DST: variants seen among roughly 807,000 people sequenced by gnomAD.
The protein encoded by DST is dystonin.
DST carries 253 observed loss-of-function variants against 875.2 expected under a neutral mutation model. The ratio of observed to expected loss-of-function variants is 0.29; its 90% CI spans 0.26 to 0.32. DST has a LOEUF of 0.32. Among genes scored for constraint, DST ranks in the 10% least tolerant of loss-of-function variants. The pLI, the probability that DST is intolerant of heterozygous loss-of-function variation, is 1.00. For synonymous variants in DST, 3,124 were observed against 3,197.1 expected, an observed-to-expected ratio of 0.98 and a Z score of 0.77; for missense variants, 8,287 against 9,111.6, an observed-to-expected ratio of 0.91 and a Z score of 3.68.
chr6:56,597,982 C>G lies in DST; in HGVS notation c.11953G>C (p.Glu3985Gln). The G allele has an allele frequency of 6.2e-7, 1 of 1,600,024 alleles. No individual in the cohort carries two copies. The highest frequency in any genetic ancestry group is 8.5e-7 in the Non-Finnish European group (1 of 1,171,584). ...AGGTTTTCTATTTTGGTTTTGCTCT[C>G]TTCCAGCTGCTTCACTGCTGCTACC... ...EKVAAVKQLE[E>Q]SKTKIENLLD... Residue 3985 changes from glutamate to glutamine, a missense_variant, in exon 47 of 104, where the codon GAG (glutamate) becomes CAG (glutamine). Transcript: ENST00000680361.
chr6:56,480,997 C>A (rs1253966994), intron 90 of DST, among the ~76,000 whole-genome samples: 1 of 152,086 alleles, frequency 6.6e-6, no homozygotes, highest in Non-Finnish European at 1.5e-5. Context: ...ATGTAACTGT[C>A]TTCTTCTTAT....
At chr6:56,628,199 G>T in intron 32 of DST, 38 bp from the exon 33 acceptor site, 1 of 1,577,030 alleles carries the variant, frequency 6.3e-7, no homozygotes, top group Non-Finnish European at 8.7e-7. Context: ...GGTGTCCAGC[G>T]ATATCCATCA....
At chr6:56,592,114 A>G in intron 49 of DST, 68 bp downstream of exon 49, 1 of 1,428,134 alleles carries the variant, frequency 7.0e-7, no homozygotes, top group South Asian at 1.3e-5. Context: ...AACTATCACA[A>G]AAGTGTGAGA....
intron 78 of DST, among the ~76,000 whole-genome samples, chr6:56,503,277 AG>A (rs1417264655): frequency 2.0e-5 from 3 of 152,058 alleles, no homozygotes. Flanking sequence ...AATAACTAAA[AG>A]AGTATAATTG....
intron 76 of DST, 21 bp from the exon 77 acceptor site, chr6:56,506,565 T>C: frequency 6.2e-7 from 1 of 1,609,804 alleles, no homozygotes; most frequent in African/African-American, 1.3e-5. Context: ...TATGTTAGAA[T>C]TCTTTTAGTG....
intron 3 of DST, chr6:56,871,380 A>C (rs528037109): frequency 7.9e-7 from 1 of 1,270,858 alleles, no homozygotes; most frequent in Non-Finnish European, 1.2e-6. Flanking sequence ...CCAACGTTAC[A>C]ATGCTGGAGT....
rs756773370 is a variant in DST, at chr6:56,618,203, G to A, written c.4930-3719C>T. 5 of 1,614,176 alleles carry A rather than the reference G, an allele frequency of 3.1e-6. No individual in the cohort carries two copies. The East Asian group carries it at 1.1e-4, about 36-fold the overall frequency. On this transcript the variant is annotated intron_variant, in intron 36 of 103. Coordinates refer to ENST00000680361, the MANE Select transcript of DST (RefSeq NM_001374736.1). ...CTGGCTTTTCTCTTTCTCGAGTGGAGCCCCTGGTGGCTGGAATTGGACTTC... is the reference window on the plus strand; with the variant it reads ...CTGGCTTTTCTCTTTCTCGAGTGGAACCCCTGGTGGCTGGAATTGGACTTC...
At chr6:56,475,319 T>C (rs542741245) in intron 92 of DST, among the ~76,000 whole-genome samples, 7 of 151,892 alleles carry the variant, frequency 4.6e-5, no homozygotes, top group Non-Finnish European at 1.0e-4. Context: ...AGAACTCTAA[T>C]ACCTCTGATC....
intron 9 of DST, among the ~76,000 whole-genome samples, chr6:56,681,384 T>C: frequency 6.6e-6 from 1 of 152,154 alleles, no homozygotes; most frequent in East Asian, 1.9e-4. Context: ...ACTTCCTCAA[T>C]AAGAATGCAT....
intron 27 of DST, among the ~76,000 whole-genome samples, 196 bp from the exon 28 acceptor site, chr6:56,633,233 C>CTTTTTTTTTTTTT (rs61647189): frequency 1.6e-4 from 22 of 138,724 alleles, no homozygotes; most frequent in African/African-American, 6.4e-4. Context: ...GAGTTTCACT[C>CTTTTTTTTTTTTT]TTTTTTTTTT....
At chr6:56,629,543 A>G in intron 31 of DST, 100 bp from the exon 32 acceptor site, 1 of 888,508 alleles carries the variant, frequency 1.1e-6, no homozygotes, top group Admixed American at 2.1e-5. Flanking sequence ...AATGACAGGT[A>G]GAAAATAAGA....
At chr6:56,855,288 C>G (rs914390727) in intron 3 of DST, among the ~76,000 whole-genome samples, 2 of 152,194 alleles carry the variant, frequency 1.3e-5, no homozygotes, top group African/African-American at 2.4e-5. Context: ...TAAGTTCCTA[C>G]AACAAATAAT....
chr6:56,637,108 C>CAA (rs58866854), intron 22 of DST, among the ~76,000 whole-genome samples: 76 of 147,298 alleles, frequency 5.2e-4, no homozygotes, highest in African/African-American at 1.9e-3. Context: ...AACAAACAAA[C>CAA]AAAAAAAAAA....
chr6:56,644,359 A>T (rs2152785620), intron 15 of DST, among the ~76,000 whole-genome samples: 1 of 152,332 alleles, frequency 6.6e-6, no homozygotes, highest in South Asian at 2.1e-4. Context: ...AAGGACTGAC[A>T]GGTTAGACAT....
rs770271923 is a variant in DST, at chr6:56,463,038, T to C, written c.23070+8A>G. 6.4e-7 allele frequency: 1 copy of C among 1,573,154 alleles called. No individual in the cohort carries two copies. The highest frequency in any genetic ancestry group is 2.2e-5 in the East Asian group (1 of 44,618). ...ATGTTAAGACTGGACTCTGGGGCCT[T>C]ACAATACCTCTGCAGATGGCACGGG... On this transcript the variant is annotated splice_region_variant and intron_variant, in intron 102 of 103. Transcript: ENST00000680361.
intron 3 of DST, among the ~76,000 whole-genome samples, chr6:56,870,432 A>C (rs1402855218): frequency 3.9e-5 from 4 of 101,656 alleles, no homozygotes; most frequent in Non-Finnish European, 7.2e-5. Flanking sequence ...TTGCAACTGC[A>C]AAAAAAAAAA....
At position 56,542,428 on chromosome 6, in the gene DST, T is replaced by TAAAAA. The variant is rs60688419; in HGVS notation, c.16609-5493_16609-5489dup. ...AGCATGGTGTACTACTAAGCTTCTT[T>TAAAAA]AAAAAAAAAAAAAAAAAAAAAAAAA... On this transcript the variant is annotated intron_variant, in intron 61 of 103. Coordinates refer to ENST00000680361, the MANE Select transcript of DST (RefSeq NM_001374736.1). The TAAAAA allele has an allele frequency of 8.8e-3, 596 of 68,068 alleles. 31 individuals carry two copies. The highest frequency in any genetic ancestry group is 0.037 in the African/African-American group (572 of 15,312). The allele number at this position is 68,068 out of a possible 1,614,324, so 4.2% of individuals were successfully genotyped here.
chr6:56,748,771 G>A (rs1589590828), intron 4 of DST, among the ~76,000 whole-genome samples: 1 of 152,136 alleles, frequency 6.6e-6, no homozygotes, highest in Non-Finnish European at 1.5e-5. Flanking sequence ...CAGCAGAGCT[G>A]GAATTTGGCC....
chr6:56,863,960 A>T (rs1465865806), intron 3 of DST: 1 of 152,248 alleles, frequency 6.6e-6, no homozygotes, highest in East Asian at 1.9e-4. Context: ...TTTATGTGCC[A>T]ACTTGGCTAG....
Sources: gnomAD v4.1 joint callset for allele counts (sites outside exome capture counted in the v4.1 genomes callset) on GRCh38, gnomAD v4.1.1 for gene constraint, MANE v1.5 for transcripts, NCBI Gene and HGNC (gene_info 2026-07-23, HGNC 2026-07-21) for gene names.